IFIT1B: variants seen among roughly 807,000 people sequenced by gnomAD.
IFIT1B encodes interferon induced protein with tetratricopeptide repeats 1B.
IFIT1B carries 3 observed loss-of-function variants against 2.5 expected under a neutral mutation model. The ratio of observed to expected loss-of-function variants is 1.21; its 90% CI spans 0.55 to 3.14. The LOEUF (loss-of-function observed/expected upper bound fraction) is 3.14. Ranked by LOEUF, IFIT1B falls within the 30% of genes most tolerant of loss-of-function variation. The pLI is 0.03. For synonymous variants in IFIT1B, 196 were observed against 203.0 expected (o/e 0.97, Z 0.29); for missense variants, 545 against 556.5 (o/e 0.98, Z 0.21).
At chr10:89,380,553 C>G (rs1290637408) in intron 1 of IFIT1B, among the ~76,000 whole-genome samples, 1 of 151,948 alleles carries the variant, frequency 6.6e-6, no homozygotes, top group Non-Finnish European at 1.5e-5. Context: ...CCTCCCACGT[C>G]AGCCCAAGTC....
Position 89,384,285 on chromosome 10 carries a change from G to A in IFIT1B, c.972G>A (p.Leu324=), listed in dbSNP as rs746811532. 3 of 1,614,142 alleles carry A rather than the reference G, an allele frequency of 1.9e-6. No individual in the cohort carries two copies. Among genetic ancestry groups the A allele is most frequent in the East Asian group, 2.2e-5 (1 of 44,886 alleles). ...AAACTGTGGACAGATTGGTTCAATT[G>A]GCTATATGCAAATTTGAAAAGACTA... ...DRETVDRLVQ[L]AICKFEKTIM... The change falls in exon 2 of 2, where the codon TTG becomes TTA. Residue 324 remains leucine, a synonymous_variant. Coordinates refer to ENST00000371809, the MANE Select transcript of IFIT1B (RefSeq NM_001010987.2).
In IFIT1B at chr10:89,383,572, G is replaced by A; in HGVS notation, c.259G>A (p.Ala87Thr). ...TGAAGACTTAATTCAGAAAGAACAT[G>A]CCAACCAAGCAGATATTAGAAGTCT... ...KAEDLIQKEH[A>T]NQADIRSLVT... is the part of the protein sequence containing the mutation. Residue 87 changes from alanine (A) to threonine (T), a missense_variant, in exon 2 of 2, where the codon GCC becomes ACC. By Grantham distance (58) the Ala-to-Thr change is moderately conservative (BLOSUM62 0). Coordinates refer to ENST00000371809, the MANE Select transcript of IFIT1B (RefSeq NM_001010987.2). 1 of 1,614,212 alleles carries A rather than the reference G, an allele frequency of 6.2e-7. No homozygotes were observed. Among genetic ancestry groups the A allele is most frequent in the Non-Finnish European group, 8.5e-7 (1 of 1,180,046 alleles).
chr10:89,378,416 C>A (rs1205286094), intron 1 of IFIT1B, among the ~76,000 whole-genome samples: 1 of 152,112 alleles, frequency 6.6e-6, no homozygotes, highest in Non-Finnish European at 1.5e-5. Context: ...ACAGTGGTAA[C>A]ATGATAACCC....
chr10:89,380,375 G>A (rs1009783703), intron 1 of IFIT1B, among the ~76,000 whole-genome samples: 1 of 151,886 alleles, frequency 6.6e-6, no homozygotes, highest in Admixed American at 6.6e-5. Context: ...ACATGGTGAC[G>A]AGTCCCTGTC....
At position 89,384,616 on chromosome 10, in the gene IFIT1B, C is replaced by T. The variant is rs771018772; in HGVS notation, c.1303C>T (p.Arg435Trp). 9 of 1,614,032 alleles carry T rather than the reference C, an allele frequency of 5.6e-6. No individual in the cohort carries two copies. Among genetic ancestry groups the T allele is most frequent in the South Asian group, 4.4e-5 (4 of 91,080 alleles). ...LAKRCIHQNV[R>W]VVESVSLLGL... ...TAAAAGATGTATTCACCAGAATGTA[C>T]GGGTTGTGGAAAGTGTCAGCCTCCT... Residue 435 changes from arginine to tryptophan, a missense_variant, in exon 2 of 2, where the codon CGG becomes TGG. Transcript: ENST00000371809.
rs1362666224 is a variant in IFIT1B, at chr10:89,384,478, G to A, written c.1165G>A (p.Glu389Lys). Residue 389 changes from glutamate (E) to lysine (K), a missense_variant, in exon 2 of 2, where the codon GAA becomes AAA. By Grantham distance (56) the Glu-to-Lys change is moderately conservative (BLOSUM62 1). Transcript: ENST00000371809. ...EIHYHYGRFQEHHGKSQDKAI... is the reference protein window; with the variant it reads ...EIHYHYGRFQKHHGKSQDKAI... ...TCATTACCACTACGGCCGTTTCCAAGAACATCATGGGAAATCTCAAGATAA... is the reference window on the plus strand; with the variant it reads ...TCATTACCACTACGGCCGTTTCCAAAAACATCATGGGAAATCTCAAGATAA... 3 of 1,614,132 alleles carry A rather than the reference G, an allele frequency of 1.9e-6. No individual in the cohort carries two copies. Among genetic ancestry groups the A allele is most frequent in the Non-Finnish European group, 2.5e-6 (3 of 1,180,016 alleles).
Position 89,384,303 on chromosome 10 carries a change from A to G in IFIT1B, c.990A>G (p.Glu330=), listed in dbSNP as rs187433991. ...TTCAATTGGCTATATGCAAATTTGA[A>G]AAGACTATAATGTTAAAGCGAACAT... The part of the protein sequence containing the change: ...RLVQLAICKF[E]KTIMLKRTFE... The change falls in exon 2 of 2, where the codon GAA becomes GAG. Residue 330 remains glutamate, a synonymous_variant. Coordinates refer to ENST00000371809, the MANE Select transcript of IFIT1B (RefSeq NM_001010987.2). 3 of 1,614,232 alleles carry G rather than the reference A, an allele frequency of 1.9e-6. No homozygotes were observed. Among genetic ancestry groups the G allele is most frequent in the South Asian group, 1.1e-5 (1 of 91,086 alleles).
In IFIT1B at chr10:89,383,536, T is replaced by C. The variant is rs762170357; in HGVS notation, c.223T>C (p.Leu75=). ...KGQNEEALVS[L]KKAEDLIQKE... ...CCAGAATGAGGAAGCCCTGGTCAGC[T>C]TGAAAAAGGCTGAAGACTTAATTCA... Residue 75 remains leucine (L), a synonymous_variant, in exon 2 of 2, where the codon TTG becomes CTG. Coordinates refer to ENST00000371809, the MANE Select transcript of IFIT1B (RefSeq NM_001010987.2). The C allele has an allele frequency of 6.2e-7, 1 of 1,614,204 alleles. No individual in the cohort carries two copies. Among genetic ancestry groups the C allele is most frequent in the Non-Finnish European group, 8.5e-7 (1 of 1,180,034 alleles).
Position 89,384,441 on chromosome 10 carries a change from A to T in IFIT1B, c.1128A>T (p.Leu376=). ...GLRMKIFEDQ[L]KQEIHYHYGR... ...GCATGAAGATCTTTGAAGATCAGCT[A>T]AAGCAAGAGATTCATTACCACTACG... The change falls in exon 2 of 2, where the codon CTA becomes CTT. Residue 376 remains leucine (L), a synonymous_variant. Transcript: ENST00000371809. The T allele has an allele frequency of 2.5e-6, 4 of 1,614,240 alleles. No individual in the cohort carries two copies. The South Asian group carries it at 4.4e-5, about 18-fold the overall frequency.
At position 89,384,359 on chromosome 10, in the gene IFIT1B, C is replaced by T. The variant is rs375844271; in HGVS notation, c.1046C>T (p.Thr349Met). ...FEMAYVDLAE[T>M]YAEIGHHRKA... ...ATGGCCTATGTTGACCTGGCTGAAA[C>T]GTATGCAGAAATAGGCCACCACAGA... The change falls in exon 2 of 2, where the codon ACG becomes ATG. Residue 349 changes from threonine (T) to methionine (M), a missense_variant. By Grantham distance (81) the Thr-to-Met change is moderately conservative. Coordinates refer to ENST00000371809, the MANE Select transcript of IFIT1B (RefSeq NM_001010987.2). 172 of 1,613,956 alleles carry T rather than the reference C, an allele frequency of 1.1e-4. 1 individual carries two copies. Among genetic ancestry groups the T allele is most frequent in the South Asian group, 1.0e-3 (95 of 91,092 alleles).
intron 1 of IFIT1B, among the ~76,000 whole-genome samples, chr10:89,381,937 T>G (rs1844166536): frequency 6.6e-6 from 1 of 151,834 alleles, no homozygotes. Flanking sequence ...GCTGGCTAAT[T>G]TTTTGTATTT....
At position 89,383,468 on chromosome 10, in the gene IFIT1B, T is replaced by C; in HGVS notation, c.155T>C (p.Val52Ala). ...EIQFLDTKYN[V>A]GIHNLLAYVK... ...CAGTTCCTGGACACCAAATACAATG[T>C]GGGAATACACAACCTACTAGCCTAT... Residue 52 changes from valine (V) to alanine (A), a missense_variant, in exon 2 of 2, where the codon GTG becomes GCG. Physicochemically the swap from Val to Ala is moderately conservative, Grantham distance 64 (BLOSUM62 0). Transcript: ENST00000371809. 1 of 1,614,172 alleles carries C rather than the reference T, an allele frequency of 6.2e-7. No individual in the cohort carries two copies. Among genetic ancestry groups the C allele is most frequent in the Non-Finnish European group, 8.5e-7 (1 of 1,180,026 alleles).
chr10:89,378,444 G>A (rs1439344091), intron 1 of IFIT1B, among the ~76,000 whole-genome samples: 1 of 152,136 alleles, frequency 6.6e-6, no homozygotes, highest in African/African-American at 2.4e-5. Flanking sequence ...ACAGGAGCAA[G>A]AGGAGAGAAC....
chr10:89,379,651 G>A (rs1844147400), intron 1 of IFIT1B, among the ~76,000 whole-genome samples: 1 of 152,112 alleles, frequency 6.6e-6, no homozygotes, highest in African/African-American at 2.4e-5. Flanking sequence ...GACCTGTCTT[G>A]AGAAGAAATT....
chr10:89,383,233 A>T, intron 1 of IFIT1B, 86 bp from the exon 2 acceptor site: 2 of 1,167,416 alleles, frequency 1.7e-6, no homozygotes, highest in Middle Eastern at 2.0e-4. Flanking sequence ...AGGATAGAGC[A>T]TATTTGACTA....
chr10:89,379,679 A>G (rs1844147637), intron 1 of IFIT1B, among the ~76,000 whole-genome samples: 1 of 152,132 alleles, frequency 6.6e-6, no homozygotes, highest in African/African-American at 2.4e-5. Flanking sequence ...AAGGATTGCA[A>G]AAAAATTCAC....
chr10:89,383,141 G>A (rs1056682420), intron 1 of IFIT1B, among the ~76,000 whole-genome samples, 178 bp from the exon 2 acceptor site: 2 of 152,172 alleles, frequency 1.3e-5, no homozygotes, highest in Non-Finnish European at 2.9e-5. Context: ...TTTCCCCTTG[G>A]TTTTTATGTC....
chr10:89,381,911 G>C (rs529502994), intron 1 of IFIT1B, among the ~76,000 whole-genome samples: 2 of 152,130 alleles, frequency 1.3e-5, no homozygotes, highest in South Asian at 4.2e-4. Flanking sequence ...TCAGCCTCCA[G>C]AGTAGCTGGG....
At position 89,384,142 on chromosome 10, in the gene IFIT1B, GC is replaced by G; in HGVS notation, c.831del (p.Leu278TrpfsTer22). 1 of 1,614,164 alleles carries G rather than the reference GC, an allele frequency of 6.2e-7. No homozygotes were observed. Reference protein sequence around the residue: ...VDKALELLKMALETTPTSAFL... With the variant: ...VDKALELLKMXLETTPTSAFL... ...TAAAGCTCTTGAGCTCTTAAAAATG[GC>G]CTTGGAGACAACACCCACTTCTGCC... On this transcript the variant is annotated frameshift_variant, in exon 2 of 2. Coordinates refer to ENST00000371809, the MANE Select transcript of IFIT1B (RefSeq NM_001010987.2). LOFTEE classifies it low-confidence loss of function (END_TRUNC).
Sources: allele counts gnomAD v4.1 joint callset (sites outside exome capture counted in the v4.1 genomes callset), GRCh38; gene constraint gnomAD v4.1.1; transcripts MANE v1.5; gene names NCBI Gene and HGNC (gene_info 2026-07-23, HGNC 2026-07-21).